The following MLLT10 variants were observed in gnomAD, a reference collection of about 807,000 sequenced individuals.
MLLT10 encodes the protein protein AF-10.
A neutral mutation model predicts 129.1 loss-of-function variants in MLLT10; 30 were observed. The observed-to-expected ratio is 0.23, with a 90% confidence interval of 0.17 to 0.32. The LOEUF (loss-of-function observed/expected upper bound fraction) is 0.32. Among genes scored for constraint, MLLT10 ranks in the 10% least tolerant of loss-of-function variants. MLLT10 has a pLI of 1.00. For missense variants in MLLT10, 1,119 were observed against 1,268.3 expected, an observed-to-expected ratio of 0.88 and a Z score of 1.79; for synonymous variants, 490 against 446.4, an observed-to-expected ratio of 1.10 and a Z score of -1.23.
At chr10:21,735,350 A>G (rs2058275942) in intron 21 of MLLT10, 115 bp downstream of exon 21, 1 of 922,172 alleles carries the variant, frequency 1.1e-6, no homozygotes, top group East Asian at 2.5e-5. Flanking sequence ...CATAATCAAA[A>G]AAGTTTTTCT....
intron 3 of MLLT10, among the ~76,000 whole-genome samples, chr10:21,582,958 C>G (rs2041628049): frequency 6.6e-6 from 1 of 152,062 alleles, no homozygotes; most frequent in Non-Finnish European, 1.5e-5. Flanking sequence ...CACTTGAGGC[C>G]AGGAGTTTGA....
chr10:21,704,024 T>TG (rs960580835), intron 13 of MLLT10, among the ~76,000 whole-genome samples: 12 of 135,338 alleles, frequency 8.9e-5, no homozygotes, highest in South Asian at 2.5e-4. Flanking sequence ...TTGTTTTTTT[T>TG]TTTTTTTTTT....
In MLLT10 at chr10:21,538,821, AT is replaced by A; in HGVS notation, c.161-7del. The A allele has an allele frequency of 1.3e-6, 2 of 1,599,868 alleles. No homozygotes were observed. Among genetic ancestry groups the A allele is most frequent in the Non-Finnish European group, 1.7e-6 (2 of 1,170,534 alleles). Reference sequence around the variant, plus strand: ...GAATCTTAACATTTTAACACATTTCATTTTTCAACAGCTTGCTATGGCATTG... The same window carrying A: ...GAATCTTAACATTTTAACACATTTCATTTTCAACAGCTTGCTATGGCATTG... On this transcript the variant is annotated splice_polypyrimidine_tract_variant and intron_variant, in intron 2 of 22. Transcript: ENST00000307729.
intron 8 of MLLT10, among the ~76,000 whole-genome samples, chr10:21,639,699 C>G (rs771676214): frequency 6.6e-6 from 1 of 151,960 alleles, no homozygotes; most frequent in Non-Finnish European, 1.5e-5. Flanking sequence ...TAGGGAAACC[C>G]AAGCAGGCCT....
At chr10:21,741,904 T>A in intron 22 of MLLT10, 35 bp from the exon 23 acceptor site, 1 of 1,595,962 alleles carries the variant, frequency 6.3e-7, no homozygotes, top group Non-Finnish European at 8.5e-7. Context: ...AAAAGTTGAT[T>A]TAGCTAACGC....
intron 20 of MLLT10, among the ~76,000 whole-genome samples, chr10:21,734,788 A>G (rs748895561): frequency 6.6e-5 from 10 of 152,226 alleles, no homozygotes; most frequent in Non-Finnish European, 7.3e-5. Flanking sequence ...TTTGTTTCAA[A>G]TATGTGTTTA....
intron 8 of MLLT10, among the ~76,000 whole-genome samples, chr10:21,641,013 A>AGAAATTTG (rs2047947123): frequency 6.6e-6 from 1 of 152,202 alleles, no homozygotes; most frequent in Non-Finnish European, 1.5e-5. Context: ...TGTGGATACT[A>AGAAATTTG]GAAATTTGGG....
chr10:21,608,293 C>T (rs1262690540), intron 5 of MLLT10, among the ~76,000 whole-genome samples: 1 of 151,584 alleles, frequency 6.6e-6, no homozygotes, highest in Non-Finnish European at 1.5e-5. Flanking sequence ...CCTCAGCTTC[C>T]TGAGTAGCTG....
intron 4 of MLLT10, among the ~76,000 whole-genome samples, chr10:21,593,702 G>A (rs2042725422): frequency 6.6e-6 from 1 of 151,876 alleles, no homozygotes; most frequent in Admixed American, 6.6e-5. Context: ...TGAGACTGGT[G>A]GATCACTTGA....
intron 8 of MLLT10, among the ~76,000 whole-genome samples, chr10:21,622,754 G>T (rs2046014398): frequency 1.3e-5 from 2 of 152,058 alleles, no homozygotes; most frequent in Admixed American, 6.6e-5. Flanking sequence ...ATTCTCTGTG[G>T]ACACCAAGTG....
chr10:21,652,058 G>A (rs749041635), intron 9 of MLLT10, among the ~76,000 whole-genome samples: 9 of 151,268 alleles, frequency 5.9e-5, no homozygotes, highest in African/African-American at 1.5e-4. Flanking sequence ...GACTACAGGC[G>A]CGTGCCACTG....
chr10:21,564,813 A>C (rs530684221), intron 3 of MLLT10, among the ~76,000 whole-genome samples: 1 of 150,904 alleles, frequency 6.6e-6, no homozygotes, highest in East Asian at 1.9e-4. Context: ...AACAAGAGCG[A>C]AACTCCATCT....
At chr10:21,538,549 C>T (rs149948875) in intron 2 of MLLT10, among the ~76,000 whole-genome samples, 4 of 152,140 alleles carry the variant, frequency 2.6e-5, no homozygotes, top group Middle Eastern at 3.4e-3. Flanking sequence ...TCCAGCAGCC[C>T]TCCCAACTCG....
chr10:21,724,102 C>T (rs1227923282), intron 14 of MLLT10, among the ~76,000 whole-genome samples: 3 of 152,218 alleles, frequency 2.0e-5, no homozygotes, highest in Admixed American at 6.5e-5. Flanking sequence ...TACCTTTTCC[C>T]GAGGGACAGT....
intron 21 of MLLT10, chr10:21,738,650 T>A (rs1248699594): frequency 4.7e-5 from 38 of 801,342 alleles, no homozygotes. Flanking sequence ...GTTTGCTAAA[T>A]CCAGTGGTCC....
chr10:21,641,350 T>G (rs762255644), intron 8 of MLLT10, among the ~76,000 whole-genome samples: 11 of 152,190 alleles, frequency 7.2e-5, no homozygotes, highest in Non-Finnish European at 1.5e-4. Flanking sequence ...TTTCTATGCA[T>G]AGAGACATAG....
intron 3 of MLLT10, among the ~76,000 whole-genome samples, chr10:21,574,402 C>G (rs893702403): frequency 1.3e-5 from 2 of 151,892 alleles, no homozygotes; most frequent in African/African-American, 4.8e-5. Flanking sequence ...TAGGTTTTTC[C>G]AAAGTGTTAC....
chr10:21,568,512 G>C (rs2039842698), intron 3 of MLLT10, among the ~76,000 whole-genome samples: 1 of 151,422 alleles, frequency 6.6e-6, no homozygotes, highest in African/African-American at 2.4e-5. Flanking sequence ...TCACTGATTT[G>C]TTTCTTTTCT....
At position 21,730,943 on chromosome 10, in the gene MLLT10, A is replaced by G. The variant is rs2057919703; in HGVS notation, c.2107A>G (p.Asn703Asp). ...ACAGATTCGCTATGATCAACCAGGC[A>G]ACAGCAGTTTGGAAAATCTGCCTCC... ...SLQIRYDQPG[N>D]SSLENLPPVA... Residue 703 changes from asparagine (N) to aspartate (D), a missense_variant, in exon 17 of 23, where the codon AAC (asparagine) becomes GAC (aspartate). This residue lies in a region of MLLT10 where 1,004 missense variants were observed against 1,008.7 expected (regional missense o/e 1.00). Transcript: ENST00000307729. 1.2e-6 allele frequency: 2 copies of G among 1,614,090 alleles called. No homozygotes were observed. The highest frequency in any genetic ancestry group is 1.3e-5 in the African/African-American group (1 of 74,934).
Sources: gnomAD v4.1 joint callset for allele counts (sites outside exome capture counted in the v4.1 genomes callset) on GRCh38, gnomAD v4.1.1 for gene constraint, gnomAD v4.1.1 regional missense constraint, MANE v1.5 for transcripts, NCBI Gene and HGNC (gene_info 2026-07-23, HGNC 2026-07-21) for gene names.